DDX19B: variants seen among roughly 807,000 people sequenced by gnomAD.
DDX19B encodes the protein ATP-dependent RNA helicase DDX19B.
DDX19B carries 27 observed loss-of-function variants against 58.1 expected under a neutral mutation model. That is an observed-to-expected ratio of 0.46 (90% CI 0.34 to 0.64). DDX19B has a LOEUF of 0.64. Among genes scored for constraint, DDX19B ranks in the 30% least tolerant of loss-of-function variants. DDX19B has a pLI of 0.01. For synonymous variants in DDX19B, 187 were observed against 214.4 expected, an observed-to-expected ratio of 0.87 and a Z score of 1.12; for missense variants, 399 against 596.5, an observed-to-expected ratio of 0.67 and a Z score of 3.45.
rs974906501 is a variant in DDX19B at position 70,302,922 on chromosome 16, C to G, written c.57+3568C>G. 2.6e-5 allele frequency among the ~76,000 whole-genome samples: 4 copies of G among 152,162 alleles called. No homozygotes were observed. In the East Asian group the frequency reaches 7.7e-4, roughly 29 times the overall value. On this transcript the variant is annotated intron_variant, in intron 1 of 11. Coordinates refer to ENST00000288071, the MANE Select transcript of DDX19B (RefSeq NM_007242.7). ...CACAGTATTGTCAGTTTCCTTCATT[C>G]TAATAGGTACATGCTGGTGTCTCAT...
chr16:70,322,729 TAAA>T (rs1447257579), intron 5 of DDX19B, among the ~76,000 whole-genome samples: 4 of 151,318 alleles, frequency 2.6e-5, no homozygotes, highest in Non-Finnish European at 5.9e-5. Flanking sequence ...CCATCTCTAC[TAAA>T]AATACAAAAA....
chr16:70,312,645 C>G lies in DDX19B; in HGVS notation c.94C>G (p.Pro32Ala), dbSNP rs80086914. Residue 32 changes from proline to alanine, a missense_variant, in exon 2 of 12, where the codon CCA becomes GCA. Physicochemically the swap from Pro to Ala is conservative, Grantham distance 27 (BLOSUM62 -1). Transcript: ENST00000288071. ...GCATCTTAAGGAAGAGAAAATCAAA[C>G]CAGATACCAATGGTAAGTAACTAAT... ...NLHLKEEKIK[P>A]DTNGAVVKTN... 27 of 1,611,912 alleles carry G rather than the reference C, an allele frequency of 1.7e-5. No homozygotes were observed. The East Asian group carries it at 3.8e-4, about 23-fold the overall frequency.
In DDX19B at chr16:70,315,714, G is replaced by A. The variant is rs1962358055; in HGVS notation, c.161-255G>A. ...GGAGTAAATATGTGGGTCTGGATAGGAGGAATAGATAACTGCAGGAAAAGA... is the reference window on the plus strand; with the variant it reads ...GGAGTAAATATGTGGGTCTGGATAGAAGGAATAGATAACTGCAGGAAAAGA... On this transcript the variant is annotated intron_variant, in intron 3 of 11. Coordinates refer to ENST00000288071, the MANE Select transcript of DDX19B (RefSeq NM_007242.7). The A allele has an allele frequency of 1.5e-5, 6 of 389,748 alleles. 1 individual carries two copies. In the South Asian group the frequency reaches 3.2e-4, roughly 21 times the overall value. The allele number at this position is 389,748 out of a possible 1,614,324, so 24.1% of individuals were successfully genotyped here.
At chr16:70,308,781 G>T (rs1961917576) in intron 1 of DDX19B, among the ~76,000 whole-genome samples, 1 of 151,838 alleles carries the variant, frequency 6.6e-6, no homozygotes, top group Admixed American at 6.6e-5. Flanking sequence ...CCAAAGTGCT[G>T]GGATTACAGG....
chr16:70,326,910 C>CT (rs1159085716), intron 7 of DDX19B, among the ~76,000 whole-genome samples: 1 of 151,900 alleles, frequency 6.6e-6, no homozygotes, highest in Non-Finnish European at 1.5e-5. Flanking sequence ...TCTTGGCTCA[C>CT]TGCAAGCTCT....
intron 7 of DDX19B, among the ~76,000 whole-genome samples, chr16:70,328,167 T>C (rs1047095454): frequency 6.7e-6 from 1 of 149,082 alleles, no homozygotes; most frequent in African/African-American, 2.5e-5. Context: ...AAAAAAAAAG[T>C]GTTAGAGGTT....
rs756832248 is a variant in DDX19B, at chr16:70,299,292, G to A, written c.-6G>A. ...CAGCACGAGCGTCCCACCCGCGCCTGGGACCATGGCCACTGACTCATGGGC... is the reference window on the plus strand; with the variant it reads ...CAGCACGAGCGTCCCACCCGCGCCTAGGACCATGGCCACTGACTCATGGGC... On this transcript the variant is annotated 5_prime_UTR_variant, in exon 1 of 12. Coordinates refer to ENST00000288071, the MANE Select transcript of DDX19B (RefSeq NM_007242.7). The A allele has an allele frequency of 1.3e-6, 2 of 1,588,364 alleles. No individual in the cohort carries two copies. The highest frequency in any genetic ancestry group is 2.7e-5 in the African/African-American group (2 of 73,904).
chr16:70,332,459 C>T (rs1963531058), intron 10 of DDX19B, among the ~76,000 whole-genome samples: 1 of 152,126 alleles, frequency 6.6e-6, no homozygotes. Flanking sequence ...TGCCACCAAG[C>T]CCAGCTAATT....
intron 5 of DDX19B, among the ~76,000 whole-genome samples, chr16:70,323,322 G>A (rs564437979): frequency 1.3e-4 from 20 of 152,156 alleles, no homozygotes; most frequent in African/African-American, 4.6e-4. Context: ...GCCCAGGCTG[G>A]TCTCAAACTC....
At chr16:70,296,374 C>T (rs1961222901), upstream of DDX19B, among the ~76,000 whole-genome samples, 1 of 151,620 alleles carries the variant, frequency 6.6e-6, no homozygotes, top group Non-Finnish European at 1.5e-5. Flanking sequence ...TGAGCTCAGG[C>T]GATCCTCCAA....
Position 70,329,303 on chromosome 16 carries a change from C to T in DDX19B, c.619C>T (p.Gln207Ter). The T allele has an allele frequency of 6.2e-7, 1 of 1,613,664 alleles. No individual in the cohort carries two copies. Among genetic ancestry groups the T allele is most frequent in the Non-Finnish European group, 8.5e-7 (1 of 1,179,970 alleles). ...TGGGGTCTCCACAGTGGAAAGAGGC[C>T]AGAAGATCAGTGAGCAGATTGTCAT... ...AVRGNKLERGQKISEQIVIGT... is the reference protein window; with the variant it reads ...AVRGNKLERG Residue 207 changes from glutamine (Q) to a stop codon, truncating the protein, a stop_gained, in exon 8 of 12, where the codon CAG (glutamine) becomes TAG (stop). Coordinates refer to ENST00000288071, the MANE Select transcript of DDX19B (RefSeq NM_007242.7). LOFTEE classifies it high-confidence loss of function.
At chr16:70,332,252 G>A (rs186641610) in intron 10 of DDX19B, among the ~76,000 whole-genome samples, 16 of 152,140 alleles carry the variant, frequency 1.1e-4, no homozygotes, top group Admixed American at 1.0e-3. Context: ...CTGTATGCCT[G>A]TATGTGCCCT....
chr16:70,299,356 T>G lies in DDX19B; in HGVS notation c.57+2T>G, dbSNP rs78914071. 1.2e-6 allele frequency: 2 copies of G among 1,606,370 alleles called. No individual in the cohort carries two copies. The highest frequency in any genetic ancestry group is 1.7e-6 in the Non-Finnish European group (2 of 1,176,932). ...GAGCAGGAAGCTGCGGCTGAGTCGGTGAGTTGGCTTCAGCCCTAAAAGGGT... is the reference window on the plus strand; with the variant it reads ...GAGCAGGAAGCTGCGGCTGAGTCGGGGAGTTGGCTTCAGCCCTAAAAGGGT... On this transcript the variant is annotated splice_donor_variant, in intron 1 of 11. Transcript: ENST00000288071. LOFTEE classifies it high-confidence loss of function.
upstream of DDX19B, among the ~76,000 whole-genome samples, chr16:70,297,508 C>G (rs190508095): frequency 3.3e-5 from 5 of 152,096 alleles, no homozygotes; most frequent in African/African-American, 7.2e-5. Flanking sequence ...CCATTGTGCC[C>G]GGCCTCATGG....
intron 1 of DDX19B, among the ~76,000 whole-genome samples, chr16:70,308,853 G>A (rs539505403): frequency 1.2e-4 from 18 of 151,632 alleles, no homozygotes; most frequent in Middle Eastern, 3.4e-3. Context: ...TGTGCAGGAT[G>A]TGCATGTTTG....
intron 6 of DDX19B, among the ~76,000 whole-genome samples, 173 bp from the exon 7 acceptor site, chr16:70,325,401 C>G (rs1191703506): frequency 6.6e-6 from 1 of 152,144 alleles, no homozygotes; most frequent in Non-Finnish European, 1.5e-5. Context: ...AGTTCTGACC[C>G]CTAAGAATTC....
chr16:70,293,697 C>T (rs1194476041), upstream of DDX19B, among the ~76,000 whole-genome samples: 4 of 144,636 alleles, frequency 2.8e-5, no homozygotes, highest in African/African-American at 1.0e-4. Context: ...CTGCAAGCTC[C>T]GCTTCCTGGG....
intron 7 of DDX19B, among the ~76,000 whole-genome samples, chr16:70,326,291 A>G (rs912657319): frequency 2.6e-5 from 4 of 152,272 alleles, no homozygotes; most frequent in Admixed American, 2.6e-4. Flanking sequence ...CCTAGCTATC[A>G]TGGTGAAACC....
intron 7 of DDX19B, 131 bp downstream of exon 7, chr16:70,325,819 C>A: frequency 1.3e-6 from 1 of 742,898 alleles, no homozygotes; most frequent in Non-Finnish European, 2.2e-6. Context: ...AAAAACTTAA[C>A]ATTTTGCCAT....
Sources: gnomAD v4.1 joint callset for allele counts (sites outside exome capture counted in the v4.1 genomes callset) on GRCh38, gnomAD v4.1.1 for gene constraint, MANE v1.5 for transcripts, NCBI Gene and HGNC (gene_info 2026-07-23, HGNC 2026-07-21) for gene names.